Variants in SMOC1 observed in about 807,000 individuals in gnomAD.
The protein encoded by SMOC1 is SPARC related modular calcium binding 1.
In SMOC1, 22 loss-of-function variants were observed where a neutral mutation model predicts 56.3. The observed-to-expected ratio is 0.39, with a 90% CI of 0.28 to 0.56. SMOC1 has a LOEUF of 0.56. Among genes scored for constraint, SMOC1 ranks in the 20% least tolerant of loss-of-function variants. SMOC1 has a pLI of 0.61. For synonymous variants in SMOC1, 193 were observed against 215.0 expected (o/e 0.90, Z 0.89); for missense variants, 509 against 565.4 (o/e 0.90, Z 1.01).
chr14:69,952,365 A>G, intron 2 of SMOC1, 62 bp downstream of exon 2: 3 of 1,596,310 alleles, frequency 1.9e-6, no homozygotes, highest in East Asian at 2.2e-5. Flanking sequence ...CTCCCTCACT[A>G]TGCATTTGCA....
intron 4 of SMOC1, among the ~76,000 whole-genome samples, chr14:69,977,160 A>T (rs1301597780): frequency 6.6e-6 from 1 of 152,236 alleles, no homozygotes; most frequent in East Asian, 1.9e-4. Context: ...TTAGGGAAAT[A>T]GAGATTCTTT....
At chr14:69,881,335 G>A (rs1321502921) in intron 1 of SMOC1, among the ~76,000 whole-genome samples, 2 of 152,122 alleles carry the variant, frequency 1.3e-5, no homozygotes, top group African/African-American at 2.4e-5. Flanking sequence ...CTGGATGGCC[G>A]CCCACAGGAG....
In SMOC1 at chr14:70,027,328, C is replaced by T. The variant is rs553311280; in HGVS notation, c.1292-2914C>T. Among the ~76,000 whole-genome samples, 45 of 152,266 alleles carry T rather than the reference C, an allele frequency of 3.0e-4. 1 individual carries two copies. The South Asian group carries it at 8.3e-3, about 28-fold the overall frequency. ...GACCCCAGTGTGTTTGAAGATGTCG[C>T]CTTGTGTGAGCAGGCCAGTCTTGGT... On this transcript the variant is annotated intron_variant, in intron 11 of 11. Transcript: ENST00000361956.
intron 7 of SMOC1, among the ~76,000 whole-genome samples, chr14:70,009,052 A>G (rs1026604223): frequency 6.6e-6 from 1 of 152,092 alleles, no homozygotes; most frequent in Admixed American, 6.5e-5. Context: ...CCCAAGTCTG[A>G]TGTCTGTCAG....
At chr14:70,007,216 G>C (rs1335199755) in intron 7 of SMOC1, among the ~76,000 whole-genome samples, 3 of 152,192 alleles carry the variant, frequency 2.0e-5, no homozygotes, top group Non-Finnish European at 4.4e-5. Context: ...CTGTGTTTCT[G>C]CATCCTTTTC....
intron 3 of SMOC1, among the ~76,000 whole-genome samples, chr14:69,970,388 T>C (rs1883715869): frequency 6.6e-6 from 1 of 152,208 alleles, no homozygotes; most frequent in African/African-American, 2.4e-5. Context: ...GTGTTTGGGT[T>C]AGATTGGTGA....
chr14:69,885,824 G>C, intron 1 of SMOC1: 1 of 1,602,008 alleles, frequency 6.2e-7, no homozygotes, highest in Non-Finnish European at 8.5e-7. Flanking sequence ...CTCTTGCTTT[G>C]TCTCTGGCCT....
At chr14:69,898,960 A>C (rs375270323) in intron 1 of SMOC1, among the ~76,000 whole-genome samples, 1 of 152,150 alleles carries the variant, frequency 6.6e-6, no homozygotes, top group African/African-American at 2.4e-5. Context: ...GAAGCATTCT[A>C]TAGTCCTATG....
At chr14:69,992,804 C>A (rs1884612210) in intron 6 of SMOC1, among the ~76,000 whole-genome samples, 1 of 152,164 alleles carries the variant, frequency 6.6e-6, no homozygotes, top group African/African-American at 2.4e-5. Flanking sequence ...CCGGCAGTGT[C>A]CCTTCAGTAA....
At chr14:69,998,428 G>GTTTTTTTTAAGT (rs1566704864) in intron 7 of SMOC1, among the ~76,000 whole-genome samples, 1 of 146,552 alleles carries the variant, frequency 6.8e-6, no homozygotes, top group African/African-American at 2.5e-5. Flanking sequence ...CTCTTGCTAA[G>GTTTTTTTTAAGT]TTTTTTTTTT....
intron 7 of SMOC1, among the ~76,000 whole-genome samples, chr14:70,001,680 C>T (rs1329272767): frequency 2.0e-5 from 3 of 152,172 alleles, no homozygotes; most frequent in Non-Finnish European, 4.4e-5. Flanking sequence ...CACAATGCTA[C>T]CTTAGACAAG....
At chr14:69,925,222 T>G in intron 1 of SMOC1, among the ~76,000 whole-genome samples, 1 of 66,504 alleles carries the variant, frequency 1.5e-5, no homozygotes, top group Non-Finnish European at 2.8e-5. Flanking sequence ...GGAGGAGGGA[T>G]GCTAAGGGAG....
At chr14:69,981,230 G>C (rs926047716) in intron 5 of SMOC1, among the ~76,000 whole-genome samples, 1 of 149,454 alleles carries the variant, frequency 6.7e-6, no homozygotes, top group Non-Finnish European at 1.5e-5. Context: ...AGTGGGGGAA[G>C]GAGGGGGAGA....
intron 1 of SMOC1, among the ~76,000 whole-genome samples, chr14:69,934,426 A>C (rs227389): frequency 0.28 from 42,133 of 151,930 alleles, 6,700 homozygotes; most frequent in African/African-American, 0.44. Flanking sequence ...TTTGTCCCTC[A>C]TATTTTCGTC....
At position 69,949,803 on chromosome 14, in the gene SMOC1, G is replaced by C. The variant is rs533377979; in HGVS notation, c.100-2335G>C. ...GGGCCAGAGAGGGGCCCCCGGGTCT[G>C]ATTCTCACCAGGCCGGGGAGACGAT... On this transcript the variant is annotated intron_variant, in intron 1 of 11. Coordinates refer to ENST00000361956, the MANE Select transcript of SMOC1 (RefSeq NM_001034852.3). Among the ~76,000 whole-genome samples the C allele has an allele frequency of 1.5e-3, 231 of 152,298 alleles. 1 individual carries two copies. Among genetic ancestry groups the C allele is most frequent in the Middle Eastern group, 3.4e-3 (1 of 294 alleles).
At chr14:69,996,346 A>C (rs77439281) in intron 7 of SMOC1, among the ~76,000 whole-genome samples, 1 of 152,210 alleles carries the variant, frequency 6.6e-6, no homozygotes, top group African/African-American at 2.4e-5. Flanking sequence ...TCTTGTCTCC[A>C]TCTTGCAGAT....
intron 1 of SMOC1, among the ~76,000 whole-genome samples, chr14:69,928,022 G>A (rs910924060): frequency 1.8e-4 from 28 of 152,234 alleles, no homozygotes; most frequent in African/African-American, 6.3e-4. Context: ...AAGGAGGGAT[G>A]CTGGGCACGA....
At chr14:70,015,464 A>C (rs112836370) in intron 10 of SMOC1, among the ~76,000 whole-genome samples, 2,695 of 148,428 alleles carry the variant, frequency 0.018, 33 homozygotes, top group Middle Eastern at 0.058. Context: ...ACAACAACAA[A>C]AAAAAAACGA....
chr14:69,927,167 CAT>C (rs1249290551), intron 1 of SMOC1, among the ~76,000 whole-genome samples: 7 of 152,368 alleles, frequency 4.6e-5, no homozygotes, highest in East Asian at 1.9e-4. Flanking sequence ...ATTGAGGTAA[CAT>C]GTGTAGAACA....
Sources: allele counts gnomAD v4.1 joint callset (sites outside exome capture counted in the v4.1 genomes callset), GRCh38; gene constraint gnomAD v4.1.1; transcripts MANE v1.5; gene names NCBI Gene and HGNC (gene_info 2026-07-23, HGNC 2026-07-21).